The following RGL1 variants were observed in gnomAD, a reference collection of about 807,000 sequenced individuals.
RGL1 encodes ral guanine nucleotide dissociation stimulator like 1.
Under a neutral mutation model 95.2 loss-of-function variants are expected in RGL1, and 24 were observed. The observed-to-expected ratio is 0.25, with a 90% CI of 0.18 to 0.35. The LOEUF is 0.35. Ranked by LOEUF, RGL1 falls within the 10% of genes least tolerant of loss-of-function variation. The pLI is 1.00. For synonymous variants in RGL1, 329 were observed against 344.9 expected (o/e 0.95, Z 0.51); for missense variants, 715 against 936.3 (o/e 0.76, Z 3.08).
At chr1:183,704,638 G>T (rs1221657647) in intron 1 of RGL1, among the ~76,000 whole-genome samples, 1 of 152,202 alleles carries the variant, frequency 6.6e-6, no homozygotes, top group Non-Finnish European at 1.5e-5. Context: ...AGGGTCTTGG[G>T]TGGTTGTAGC....
In RGL1 at chr1:183,897,827, C is replaced by T. The variant is rs770762988; in HGVS notation, c.1160C>T (p.Ala387Val). The T allele has an allele frequency of 5.0e-6, 8 of 1,613,838 alleles. No individual in the cohort carries two copies. Among genetic ancestry groups the T allele is most frequent in the Non-Finnish European group, 5.9e-6 (7 of 1,179,818 alleles). ...TCTCAGGAAGGAACCTCAAAATTTG[C>T]AAACCTGGACAGCAGTGTGAAAGAA... Reference protein sequence around the residue: ...LLMKEGTSKFANLDSSVKENQ... With the variant: ...LLMKEGTSKFVNLDSSVKENQ... Residue 387 changes from alanine to valine, a missense_variant, in exon 10 of 18, where the codon GCA (alanine) becomes GTA (valine). Physicochemically the swap from Ala to Val is moderately conservative, Grantham distance 64. Coordinates refer to ENST00000360851, the MANE Select transcript of RGL1 (RefSeq NM_001297671.3).
chr1:183,907,163 T>A (rs896196863), intron 14 of RGL1, 62 bp downstream of exon 14: 1 of 923,606 alleles, frequency 1.1e-6, no homozygotes, highest in Non-Finnish European at 1.8e-6. Context: ...TGAGAGGAGA[T>A]GTATTCAACA....
intron 1 of RGL1, among the ~76,000 whole-genome samples, chr1:183,689,292 A>G (rs1653799207): frequency 6.6e-6 from 1 of 152,320 alleles, no homozygotes; most frequent in Non-Finnish European, 1.5e-5. Flanking sequence ...GGTGAACTGA[A>G]TTGGCCTTAC....
intron 1 of RGL1, among the ~76,000 whole-genome samples, chr1:183,732,501 T>C (rs1427089394): frequency 6.6e-6 from 1 of 152,168 alleles, no homozygotes; most frequent in Non-Finnish European, 1.5e-5. Flanking sequence ...GTATCAAAAT[T>C]GAGGCATTTC....
intron 2 of RGL1, among the ~76,000 whole-genome samples, chr1:183,843,346 A>G (rs867479683): frequency 1.1e-4 from 17 of 152,230 alleles, no homozygotes; most frequent in South Asian, 2.1e-4. Context: ...AACCCTGAGG[A>G]ACAAATACTG....
At chr1:183,854,025 T>C (rs1664986904) in intron 3 of RGL1, among the ~76,000 whole-genome samples, 1 of 152,224 alleles carries the variant, frequency 6.6e-6, no homozygotes, top group Non-Finnish European at 1.5e-5. Context: ...CTGTACAAGA[T>C]GCTGTGTGTA....
intron 1 of RGL1, among the ~76,000 whole-genome samples, chr1:183,640,030 CG>C (rs1243670596): frequency 2.0e-5 from 3 of 151,920 alleles, no homozygotes; most frequent in Non-Finnish European, 4.4e-5. Context: ...TTAGTAGAGA[CG>C]GGGTTTCACC....
At chr1:183,705,901 T>C (rs927266499) in intron 1 of RGL1, among the ~76,000 whole-genome samples, 1 of 152,048 alleles carries the variant, frequency 6.6e-6, no homozygotes, top group Non-Finnish European at 1.5e-5. Context: ...TGAGAGCTGC[T>C]TGGGGGATGG....
rs1219024088 is a variant in RGL1, at chr1:183,926,222, C to G, written c.2237C>G (p.Thr746Ser). The G allele has an allele frequency of 3.7e-6, 6 of 1,613,848 alleles. No homozygotes were observed. Among genetic ancestry groups the G allele is most frequent in the Non-Finnish European group, 5.1e-6 (6 of 1,179,928 alleles). Residue 746 changes from threonine (T) to serine (S), a missense_variant, in exon 18 of 18, where the codon ACC (threonine) becomes AGC (serine). Thr to Ser is a moderately conservative substitution (Grantham distance 58). This residue lies in a region of RGL1 where 330 missense variants were observed against 429.6 expected (regional missense o/e 0.77). Coordinates refer to ENST00000360851, the MANE Select transcript of RGL1 (RefSeq NM_001297671.3). ...MEEQVKLRSR[T>S]SLTLPRTAKR... ...GAACAAGTGAAACTGCGTAGCCGGACCAGCTTGACGTTGCCCAGGACAGCT... is the reference window on the plus strand; with the variant it reads ...GAACAAGTGAAACTGCGTAGCCGGAGCAGCTTGACGTTGCCCAGGACAGCT...
At chr1:183,878,150 TTCTATCTATCTATCTA>T (rs751622115) in intron 4 of RGL1, among the ~76,000 whole-genome samples, 33 of 111,648 alleles carry the variant, frequency 3.0e-4, no homozygotes, top group South Asian at 3.0e-4. Context: ...TTGATTTTCT[TTCTATCTATCTATCTA>T]TCTATCTATC....
intron 1 of RGL1, among the ~76,000 whole-genome samples, chr1:183,655,699 T>G (rs975264067): frequency 3.9e-5 from 6 of 152,198 alleles, no homozygotes; most frequent in Admixed American, 3.3e-4. Flanking sequence ...GCAGAGAGCT[T>G]TCTGTAGGGC....
rs116785925 is a variant in RGL1, at chr1:183,797,976, A to C, written c.133-8399A>C. 3.0e-3 allele frequency among the ~76,000 whole-genome samples: 450 copies of C among 152,352 alleles called. 3 individuals are homozygous for C. The highest frequency in any genetic ancestry group is 0.01 in the African/African-American group (422 of 41,574). ...GTCCTCCAAAAGGTTTTATGGATCT[A>C]TAATCTTTATTATAGTTTATGAGTA... On this transcript the variant is annotated intron_variant, in intron 2 of 18. Transcript: ENST00000304685.
At chr1:183,824,810 T>C (rs1017709925) in intron 2 of RGL1, among the ~76,000 whole-genome samples, 2 of 152,252 alleles carry the variant, frequency 1.3e-5, no homozygotes, top group African/African-American at 2.4e-5. Context: ...TCACCTTTCT[T>C]GAAGCCTCTT....
intron 3 of RGL1, among the ~76,000 whole-genome samples, chr1:183,855,155 A>C (rs911414914): frequency 6.6e-6 from 1 of 152,190 alleles, no homozygotes; most frequent in African/African-American, 2.4e-5. Context: ...GGTGTTTTGG[A>C]AGGTCCAGCA....
At position 183,900,167 on chromosome 1, in the gene RGL1, T is replaced by G. The variant is rs1439777838; in HGVS notation, c.1248T>G (p.Thr416=). 3.1e-6 allele frequency: 5 copies of G among 1,613,592 alleles called. No individual in the cohort carries two copies. The highest frequency in any genetic ancestry group is 4.2e-6 in the Non-Finnish European group (5 of 1,179,594). Reference sequence around the variant, plus strand: ...CTCTTCAGGGTGTGATGCAGGGAACTGTGCCCTACCTGGGCACCTTCCTGA... The same window carrying G: ...CTCTTCAGGGTGTGATGCAGGGAACGGTGCCCTACCTGGGCACCTTCCTGA... ...LQKDMGVMQG[T]VPYLGTFLTD... Residue 416 remains threonine (T), a synonymous_variant, in exon 11 of 18, where the codon ACT becomes ACG. Coordinates refer to ENST00000360851, the MANE Select transcript of RGL1 (RefSeq NM_001297671.3).
chr1:183,742,413 A>G (rs942653321), intron 2 of RGL1: 5 of 1,050,420 alleles, frequency 4.8e-6, no homozygotes, highest in Non-Finnish European at 7.2e-6. Context: ...GGCTGTAGGC[A>G]CAGCCATGAC....
At chr1:183,918,312 G>A (rs538017222) in intron 16 of RGL1, among the ~76,000 whole-genome samples, 202 of 152,200 alleles carry the variant, frequency 1.3e-3, no homozygotes, top group African/African-American at 4.4e-3. Context: ...GAGGCAGAAT[G>A]CAAGTGGTAA....
chr1:183,851,157 G>C (rs946407171), intron 3 of RGL1, among the ~76,000 whole-genome samples: 1 of 152,168 alleles, frequency 6.6e-6, no homozygotes, highest in African/African-American at 2.4e-5. Context: ...TGTCATGTAC[G>C]ATATAACTGG....
intron 1 of RGL1, among the ~76,000 whole-genome samples, chr1:183,641,983 T>C (rs1649955964): frequency 6.6e-6 from 1 of 152,222 alleles, no homozygotes; most frequent in Admixed American, 6.5e-5. Context: ...TCCATGACCA[T>C]GGACGTTTTT....
Sources: allele counts gnomAD v4.1 joint callset (sites outside exome capture counted in the v4.1 genomes callset), GRCh38; gene constraint gnomAD v4.1.1; regional missense constraint gnomAD v4.1.1; transcripts MANE v1.5; gene names NCBI Gene and HGNC (gene_info 2026-07-23, HGNC 2026-07-21).